GSTCD: variants seen among roughly 807,000 people sequenced by gnomAD.
The protein encoded by GSTCD is glutathione S-transferase C-terminal domain-containing protein.
Under a neutral mutation model 68.3 loss-of-function variants are expected in GSTCD, and 44 were observed. The observed-to-expected ratio is 0.64, with a 90% CI of 0.51 to 0.83. The LOEUF (loss-of-function observed/expected upper bound fraction) is 0.83. GSTCD is among the 40% of genes least tolerant of loss of function. GSTCD has a pLI of 0.00. For synonymous variants in GSTCD, 273 were observed against 255.2 expected (o/e 1.07, Z -0.67); for missense variants, 739 against 735.9 (o/e 1.00, Z -0.05).
chr4:105,722,385 G>T lies in GSTCD; in HGVS notation c.894+2858G>T, dbSNP rs568589792. ...TTTCTGTGTCTATTCCTATTCATTA[G>T]GTCCTCAAGAGCTTTTAGCTTTAAC... On this transcript the variant is annotated intron_variant, in intron 3 of 11. Coordinates refer to ENST00000515279, the MANE Select transcript of GSTCD (RefSeq NM_001370181.1). Among the ~76,000 whole-genome samples, 35 of 152,044 alleles carry T rather than the reference G, an allele frequency of 2.3e-4. No individual in the cohort carries two copies. In the South Asian group the frequency reaches 7.3e-3, roughly 32 times the overall value.
intron 5 of GSTCD, among the ~76,000 whole-genome samples, chr4:105,748,512 G>A (rs986089016): frequency 2.6e-5 from 4 of 152,060 alleles, no homozygotes; most frequent in African/African-American, 9.7e-5. Flanking sequence ...TTGTCAAAAT[G>A]TTATTTAAAG....
At chr4:105,722,879 C>A (rs1732916370) in intron 3 of GSTCD, among the ~76,000 whole-genome samples, 1 of 151,442 alleles carries the variant, frequency 6.6e-6, no homozygotes, top group African/African-American at 2.4e-5. Context: ...ATTTAATTTT[C>A]ATTTCACAGA....
intron 3 of GSTCD, among the ~76,000 whole-genome samples, chr4:105,721,841 A>G (rs1732866419): frequency 6.6e-6 from 1 of 152,170 alleles, no homozygotes; most frequent in Non-Finnish European, 1.5e-5. Flanking sequence ...TAGATTTAAA[A>G]GGAATAAATT....
chr4:105,734,059 G>C (rs1009901305), intron 5 of GSTCD, among the ~76,000 whole-genome samples: 9 of 152,222 alleles, frequency 5.9e-5, no homozygotes, highest in Non-Finnish European at 1.2e-4. Context: ...GAGATCAGCT[G>C]TTAGTCTGAT....
chr4:105,840,310 C>G, intron 10 of GSTCD: 1 of 391,132 alleles, frequency 2.6e-6, no homozygotes, highest in Non-Finnish European at 5.2e-6. Context: ...TTCCTTCTCT[C>G]CTTTCGTTGA....
At chr4:105,729,816 C>G (rs1053743548) in intron 5 of GSTCD, among the ~76,000 whole-genome samples, 7 of 152,124 alleles carry the variant, frequency 4.6e-5, no homozygotes, top group Non-Finnish European at 8.8e-5. Flanking sequence ...CATATGTATA[C>G]ATGTGCCATG....
chr4:105,814,682 A>G (rs920346600), intron 5 of GSTCD, among the ~76,000 whole-genome samples: 2 of 152,176 alleles, frequency 1.3e-5, no homozygotes, highest in African/African-American at 4.8e-5. Flanking sequence ...CACCCATCAA[A>G]TTAGACCTAT....
At chr4:105,774,749 G>A (rs1734987647) in intron 5 of GSTCD, among the ~76,000 whole-genome samples, 1 of 152,116 alleles carries the variant, frequency 6.6e-6, no homozygotes, top group South Asian at 2.1e-4. Context: ...TCCCTTTGTG[G>A]GTAACCTGAC....
intron 5 of GSTCD, among the ~76,000 whole-genome samples, chr4:105,804,715 T>C (rs1229669367): frequency 8.5e-5 from 13 of 152,192 alleles, no homozygotes; most frequent in Non-Finnish European, 1.5e-5. Context: ...ACGTGTGCCA[T>C]GTTGGTTTGT....
intron 5 of GSTCD, among the ~76,000 whole-genome samples, chr4:105,768,098 C>T (rs1050091069): frequency 6.6e-6 from 1 of 150,850 alleles, no homozygotes; most frequent in South Asian, 2.1e-4. Context: ...TGCAGTGGCG[C>T]GATCTCGGCT....
At chr4:105,770,135 C>T (rs1177732475) in intron 5 of GSTCD, among the ~76,000 whole-genome samples, 1 of 152,148 alleles carries the variant, frequency 6.6e-6, no homozygotes, top group Non-Finnish European at 1.5e-5. Flanking sequence ...AAAAAGCTTG[C>T]TTTGAAAGTC....
intron 5 of GSTCD, among the ~76,000 whole-genome samples, chr4:105,730,378 A>G (rs900162931): frequency 1.3e-5 from 2 of 152,122 alleles, no homozygotes; most frequent in African/African-American, 2.4e-5. Context: ...AAGTGTTCCT[A>G]TTTCTCCACA....
intron 5 of GSTCD, among the ~76,000 whole-genome samples, chr4:105,772,543 T>C (rs996358257): frequency 6.6e-6 from 1 of 152,230 alleles, no homozygotes; most frequent in African/African-American, 2.4e-5. Flanking sequence ...CAGTACCTAA[T>C]TTATTGAGTG....
chr4:105,736,444 T>C (rs1578422368), intron 5 of GSTCD, among the ~76,000 whole-genome samples: 1 of 152,070 alleles, frequency 6.6e-6, no homozygotes, highest in African/African-American at 2.4e-5. Flanking sequence ...TAAAAAATGT[T>C]TAAATTTAAT....
At chr4:105,775,347 C>T (rs1735013629) in intron 5 of GSTCD, among the ~76,000 whole-genome samples, 1 of 152,226 alleles carries the variant, frequency 6.6e-6, no homozygotes. Context: ...AATCCTACTT[C>T]TGTCAATTCG....
chr4:105,730,137 T>A (rs1733180873), intron 5 of GSTCD, among the ~76,000 whole-genome samples: 1 of 152,236 alleles, frequency 6.6e-6, no homozygotes, highest in African/African-American at 2.4e-5. Flanking sequence ...TAATCCAGTC[T>A]AACATTGATG....
intron 5 of GSTCD, among the ~76,000 whole-genome samples, chr4:105,798,732 G>GTGTGCAATCACCCAGACTTTTT (rs149562573): frequency 6.6e-6 from 1 of 152,024 alleles, no homozygotes; most frequent in Admixed American, 6.6e-5. Flanking sequence ...CTCTGAGCAG[G>GTGTGCAATCACCCAGACTTTTT]TATTCCATTT....
At chr4:105,739,261 C>T (rs1165995738) in intron 5 of GSTCD, among the ~76,000 whole-genome samples, 2 of 152,118 alleles carry the variant, frequency 1.3e-5, no homozygotes, top group African/African-American at 4.8e-5. Flanking sequence ...AGGATTTTTG[C>T]ATCACTCTTT....
At chr4:105,782,315 T>C (rs1486860692) in intron 5 of GSTCD, among the ~76,000 whole-genome samples, 3 of 151,934 alleles carry the variant, frequency 2.0e-5, no homozygotes, top group African/African-American at 7.3e-5. Flanking sequence ...CTGGGCAACA[T>C]AGCAAGATCT....
Sources: gnomAD v4.1 joint callset for allele counts (sites outside exome capture counted in the v4.1 genomes callset) on GRCh38, gnomAD v4.1.1 for gene constraint, MANE v1.5 for transcripts, NCBI Gene and HGNC (gene_info 2026-07-23, HGNC 2026-07-21) for gene names.